Variants in CAST observed in about 807,000 individuals in gnomAD.
CAST encodes calpastatin, also known as MIR583 host.
In CAST, 76 loss-of-function variants were observed where a neutral mutation model predicts 119.6. The ratio of observed to expected loss-of-function variants is 0.64; its 90% confidence interval spans 0.53 to 0.77. CAST has a LOEUF of 0.77. Among genes scored for constraint, CAST ranks in the 30% least tolerant of loss-of-function variants. The pLI, the probability that CAST is intolerant of heterozygous loss-of-function variation, is 0.00. For synonymous variants in CAST, 319 were observed against 331.6 expected (o/e 0.96, Z 0.41); for missense variants, 953 against 946.5 (o/e 1.01, Z -0.09).
At chr5:96,306,068 G>A in the CAST span, among the ~76,000 whole-genome samples, 4 of 152,264 alleles carry the variant, frequency 2.6e-5, no homozygotes, top group South Asian at 2.1e-4. Flanking sequence ...CTGTGAATCC[G>A]TCTGTTCCTA....
intron 2 of CAST, chr5:96,679,582 T>C (rs1751104606): frequency 6.6e-6 from 1 of 152,110 alleles, no homozygotes; most frequent in Non-Finnish European, 1.5e-5. Flanking sequence ...ACGGGCATGA[T>C]CTCAGAGAGC....
At chr5:96,187,635 T>TTGTTC in the CAST span, among the ~76,000 whole-genome samples, 2 of 152,232 alleles carry the variant, frequency 1.3e-5, no homozygotes, top group Non-Finnish European at 2.9e-5. Flanking sequence ...AACAACTCTC[T>TTGTTC]CTTGCTCAAT....
the CAST span, among the ~76,000 whole-genome samples, chr5:96,414,137 T>TAAAAAAAA: frequency 1.6e-5 from 2 of 124,758 alleles, no homozygotes; most frequent in African/African-American, 6.2e-5. Flanking sequence ...AGACTCTGTC[T>TAAAAAAAA]AAAAAAAAAA....
the CAST span, among the ~76,000 whole-genome samples, chr5:96,208,060 A>G: frequency 2.0e-5 from 3 of 149,218 alleles, no homozygotes; most frequent in African/African-American, 7.4e-5. Context: ...TCTTTCTTGC[A>G]GGTTTTCTAG....
the CAST span, among the ~76,000 whole-genome samples, chr5:96,152,002 C>T: frequency 4.6e-5 from 7 of 152,056 alleles, no homozygotes; most frequent in Non-Finnish European, 1.0e-4. Flanking sequence ...TTGTGGAGTG[C>T]AGGGGATTCT....
chr5:96,540,728 C>T (rs55717050), intron 1 of CAST, among the ~76,000 whole-genome samples: 3,538 of 152,228 alleles, frequency 0.023, 119 homozygotes, highest in African/African-American at 0.081. Context: ...CTCTAAGCTC[C>T]GGTAGTTTCT....
the CAST span, among the ~76,000 whole-genome samples, chr5:96,061,072 A>G: frequency 6.6e-6 from 1 of 152,158 alleles, no homozygotes; most frequent in South Asian, 2.1e-4. Context: ...ACTCCATTCA[A>G]CCTTAATTAC....
At chr5:96,495,417 T>G in the CAST span, among the ~76,000 whole-genome samples, 1 of 152,132 alleles carries the variant, frequency 6.6e-6, no homozygotes, top group East Asian at 1.9e-4. Flanking sequence ...CTCCCTCCTC[T>G]TTCCCTCCAC....
the CAST span, among the ~76,000 whole-genome samples, chr5:96,340,099 T>C: frequency 1.3e-5 from 2 of 152,194 alleles, no homozygotes; most frequent in Non-Finnish European, 2.9e-5. Context: ...AAGCAGTCAG[T>C]ATTAAGAGAA....
chr5:96,235,376 T>C, the CAST span, among the ~76,000 whole-genome samples: 10 of 152,324 alleles, frequency 6.6e-5, no homozygotes, highest in Admixed American at 2.0e-4. Context: ...TTCCATTCCC[T>C]GGGCATACAG....
At chr5:95,969,564 A>T in the CAST span, among the ~76,000 whole-genome samples, 3 of 152,116 alleles carry the variant, frequency 2.0e-5, no homozygotes, top group African/African-American at 7.2e-5. Flanking sequence ...AAAAGTAATG[A>T]GGCCTTGTAC....
chr5:96,335,076 A>T, the CAST span, among the ~76,000 whole-genome samples: 4 of 152,094 alleles, frequency 2.6e-5, no homozygotes, highest in Non-Finnish European at 5.9e-5. Flanking sequence ...CCCTCTTGAA[A>T]CATCCACCTT....
At chr5:96,066,576 C>T in the CAST span, among the ~76,000 whole-genome samples, 1 of 151,932 alleles carries the variant, frequency 6.6e-6, no homozygotes, top group African/African-American at 2.4e-5. Flanking sequence ...TAAGTTTTCC[C>T]TTTCCTGTTG....
At chr5:96,019,122 C>T in the CAST span, among the ~76,000 whole-genome samples, 6 of 152,240 alleles carry the variant, frequency 3.9e-5, no homozygotes, top group South Asian at 4.1e-4. Context: ...AGCAGATTTT[C>T]CCAATGCACT....
At chr5:96,048,541 G>C in the CAST span, among the ~76,000 whole-genome samples, 1 of 152,138 alleles carries the variant, frequency 6.6e-6, no homozygotes, top group African/African-American at 2.4e-5. Context: ...ATTACCAGTA[G>C]CTTCCACCTA....
At chr5:96,459,694 G>A in the CAST span, among the ~76,000 whole-genome samples, 151 of 152,244 alleles carry the variant, frequency 9.9e-4, 1 homozygote, top group South Asian at 1.5e-3. Context: ...AGCCACACAT[G>A]TAGGCAATCA....
At chr5:96,429,004 T>C in the CAST span, among the ~76,000 whole-genome samples, 1 of 152,160 alleles carries the variant, frequency 6.6e-6, no homozygotes, top group South Asian at 2.1e-4. Context: ...TGTGTAAAAT[T>C]AACTTTGGCT....
chr5:96,773,238 C>G lies in CAST; in HGVS notation c.*622C>G, dbSNP rs1277356454. On this transcript the variant is annotated 3_prime_UTR_variant, in exon 32 of 32. Coordinates refer to ENST00000675179, the MANE Select transcript of CAST (RefSeq NM_001750.7). ...CTGGACAAACCAGGAAGCACCAAAC[C>G]CCTTTTCAGTTTGAACTCTTCTTTG... The G allele has an allele frequency of 1.2e-4, 18 of 153,538 alleles. No homozygotes were observed. The highest frequency in any genetic ancestry group is 5.9e-5 in the Non-Finnish European group (4 of 68,022). The allele number at this position is 153,538 out of a possible 1,614,324, so 9.5% of individuals were successfully genotyped here.
chr5:96,498,137 G>T, the CAST span, among the ~76,000 whole-genome samples: 1 of 152,156 alleles, frequency 6.6e-6, no homozygotes, highest in Non-Finnish European at 1.5e-5. Context: ...CCTGTTTCTT[G>T]TTTTTGTCAG....
Sources: allele counts gnomAD v4.1 joint callset (sites outside exome capture counted in the v4.1 genomes callset), GRCh38; gene constraint gnomAD v4.1.1; transcripts MANE v1.5; gene names NCBI Gene and HGNC (gene_info 2026-07-23, HGNC 2026-07-21).